Variants in SRPK2 observed in about 807,000 individuals in gnomAD.
SRPK2 encodes SRSF protein kinase 2.
Under a neutral mutation model 90.8 loss-of-function variants are expected in SRPK2, and 21 were observed. That is an observed-to-expected ratio of 0.23 (90% CI 0.16 to 0.33). The LOEUF is 0.33. Ranked by LOEUF, SRPK2 falls within the 10% of genes least tolerant of loss-of-function variation. The pLI, the probability that SRPK2 is intolerant of heterozygous loss-of-function variation, is 1.00. For missense variants in SRPK2, 620 were observed against 869.0 expected (o/e 0.71, Z 3.60); for synonymous variants, 288 against 311.1 (o/e 0.93, Z 0.78).
intron 3 of SRPK2, among the ~76,000 whole-genome samples, chr7:105,199,655 AAAG>A (rs1463751268): frequency 6.6e-6 from 1 of 152,214 alleles, no homozygotes; most frequent in Non-Finnish European, 1.5e-5. Flanking sequence ...ACTATCAGAG[AAAG>A]AAACCACAAA....
chr7:105,201,116 C>T (rs1342028111), intron 3 of SRPK2, among the ~76,000 whole-genome samples: 1 of 152,040 alleles, frequency 6.6e-6, no homozygotes, highest in East Asian at 1.9e-4. Context: ...TATCCAAGAA[C>T]AAAAAATGAG....
chr7:105,218,193 A>G (rs60358227), intron 2 of SRPK2, among the ~76,000 whole-genome samples: 64,924 of 152,130 alleles, frequency 0.43, 15,247 homozygotes, highest in Non-Finnish European at 0.52. Context: ...GGTTGAGACC[A>G]GATTTTGACA....
chr7:105,385,620 G>T (rs564919015), intron 2 of SRPK2, among the ~76,000 whole-genome samples: 10 of 152,200 alleles, frequency 6.6e-5, no homozygotes, highest in African/African-American at 2.2e-4. Context: ...TGGGTTTCTC[G>T]AATACTTCCA....
chr7:105,363,308 A>G (rs950307662), intron 2 of SRPK2, among the ~76,000 whole-genome samples: 1 of 152,180 alleles, frequency 6.6e-6, no homozygotes, highest in Admixed American at 6.5e-5. Context: ...CAGAATCTAC[A>G]AAGAACTTAA....
Position 105,266,505 on chromosome 7 carries a change from C to T in SRPK2, c.72-62720G>A, listed in dbSNP as rs189659106. Among the ~76,000 whole-genome samples the T allele has an allele frequency of 1.2e-4, 18 of 152,254 alleles. No individual in the cohort carries two copies. The South Asian group carries it at 1.9e-3, about 16-fold the overall frequency. ...TGAATGATAACTTTTGGTTTGCTTA[C>T]AATCAAGCAGTTTCTCCCCTGCTAA... On this transcript the variant is annotated intron_variant, in intron 2 of 15. Transcript: ENST00000393651.
intron 2 of SRPK2, among the ~76,000 whole-genome samples, chr7:105,235,766 A>AC (rs1307217940): frequency 6.6e-6 from 1 of 152,226 alleles, no homozygotes; most frequent in African/African-American, 2.4e-5. Flanking sequence ...ACTCTAAATT[A>AC]CCTAAAACTA....
intron 15 of SRPK2, among the ~76,000 whole-genome samples, chr7:105,124,622 CA>C (rs1392501906): frequency 1.8e-4 from 13 of 72,428 alleles, no homozygotes; most frequent in African/African-American, 3.9e-4. Context: ...GCCTGGACAA[CA>C]AGAGCAAAAC....
intron 9 of SRPK2, among the ~76,000 whole-genome samples, 156 bp downstream of exon 9, chr7:105,145,127 A>T (rs63093261): frequency 7.0e-6 from 1 of 142,804 alleles, no homozygotes; most frequent in East Asian, 2.0e-4. Flanking sequence ...AAAAAAAAAA[A>T]TTAACAAGAC....
At chr7:105,337,911 T>C (rs182960755) in intron 2 of SRPK2, among the ~76,000 whole-genome samples, 1 of 152,126 alleles carries the variant, frequency 6.6e-6, no homozygotes. Flanking sequence ...ATAACAATAA[T>C]ATGCCAACTG....
intron 3 of SRPK2, among the ~76,000 whole-genome samples, chr7:105,193,385 G>C (rs1794542468): frequency 6.6e-6 from 1 of 152,164 alleles, no homozygotes; most frequent in African/African-American, 2.4e-5. Flanking sequence ...CTGTTCCACT[G>C]GTCTATGTGC....
intron 2 of SRPK2, among the ~76,000 whole-genome samples, chr7:105,308,089 T>TTTG (rs1811333223): frequency 3.9e-5 from 6 of 152,340 alleles, no homozygotes; most frequent in Middle Eastern, 3.4e-3. Context: ...GTCACCCAAA[T>TTTG]ATACCCCAAA....
chr7:105,227,172 CA>C (rs1387081157), intron 2 of SRPK2, among the ~76,000 whole-genome samples: 1 of 151,986 alleles, frequency 6.6e-6, no homozygotes, highest in African/African-American at 2.4e-5. Flanking sequence ...TAAAAAAAGA[CA>C]AAAGACACAA....
chr7:105,207,867 T>TG (rs915545895), intron 2 of SRPK2, among the ~76,000 whole-genome samples: 6 of 152,138 alleles, frequency 3.9e-5, no homozygotes, highest in Non-Finnish European at 7.4e-5. Flanking sequence ...GGCCACAGAA[T>TG]GGGGGGAAGT....
intron 6 of SRPK2, among the ~76,000 whole-genome samples, chr7:105,166,111 G>T (rs1014978768): frequency 1.3e-5 from 2 of 152,168 alleles, no homozygotes; most frequent in African/African-American, 4.8e-5. Context: ...TACACTTATA[G>T]CTGACCAAGA....
chr7:105,142,346 GGGCCATTCTCAATAT>G lies in SRPK2; in HGVS notation c.1190_1204del (p.His397_Gly401del). 4 of 1,614,126 alleles carry G rather than the reference GGGCCATTCTCAATAT, an allele frequency of 2.5e-6. No homozygotes were observed. Among genetic ancestry groups the G allele is most frequent in the Non-Finnish European group, 3.4e-6 (4 of 1,180,000 alleles). On this transcript the variant is annotated inframe_deletion, in exon 11 of 16. Coordinates refer to ENST00000393651, the MANE Select transcript of SRPK2 (RefSeq NM_182692.3). Reference sequence around the variant, plus strand: ...GTCCAGTTGCTGCTCCAGTGAGAATGGGCCATTCTCAATATGGCCATTGGTTTTAGGTGATTCTAT... The same window carrying G: ...GTCCAGTTGCTGCTCCAGTGAGAATGGGCCATTGGTTTTAGGTGATTCTAT...
chr7:105,311,508 C>T (rs1811705946), intron 2 of SRPK2, among the ~76,000 whole-genome samples: 2 of 152,212 alleles, frequency 1.3e-5, no homozygotes, highest in Non-Finnish European at 1.5e-5. Context: ...GCTGGGATTA[C>T]AGGCCTGAGC....
At chr7:105,172,581 A>C (rs923091146) in intron 3 of SRPK2, among the ~76,000 whole-genome samples, 1 of 152,200 alleles carries the variant, frequency 6.6e-6, no homozygotes, top group Non-Finnish European at 1.5e-5. Context: ...GATCTACCAT[A>C]ATTCTTGAAA....
At chr7:105,191,935 G>C (rs1487106252) in intron 3 of SRPK2, among the ~76,000 whole-genome samples, 2 of 149,400 alleles carry the variant, frequency 1.3e-5, no homozygotes, top group Non-Finnish European at 3.0e-5. Flanking sequence ...AGGCTGTCTT[G>C]AACTCCTGAG....
At chr7:105,141,394 T>C (rs1803755020) in intron 11 of SRPK2, among the ~76,000 whole-genome samples, 1 of 152,202 alleles carries the variant, frequency 6.6e-6, no homozygotes, top group African/African-American at 2.4e-5. Flanking sequence ...CTAGAGTCAC[T>C]TGGCATTCAC....
Sources: gnomAD v4.1 joint callset for allele counts (sites outside exome capture counted in the v4.1 genomes callset) on GRCh38, gnomAD v4.1.1 for gene constraint, MANE v1.5 for transcripts, NCBI Gene and HGNC (gene_info 2026-07-23, HGNC 2026-07-21) for gene names.